The following SOX5 variants were observed in gnomAD, a reference collection of about 807,000 sequenced individuals.
SOX5 encodes the protein transcription factor SOX-5.
A neutral mutation model predicts 92.0 loss-of-function variants in SOX5; 9 were observed. The ratio of observed to expected loss-of-function variants is 0.10; its 90% CI spans 0.06 to 0.17. The LOEUF (loss-of-function observed/expected upper bound fraction) is 0.17. Among genes scored for constraint, SOX5 ranks in the 10% least tolerant of loss-of-function variants. The probability of loss-of-function intolerance (pLI) is 1.00; values close to 1 mark genes in which losing one functional copy is unlikely to be tolerated. For synonymous variants in SOX5, 344 were observed against 336.3 expected (o/e 1.02, Z -0.25); for missense variants, 642 against 944.5 (o/e 0.68, Z 4.20).
intron 4 of SOX5, among the ~76,000 whole-genome samples, chr12:24,165,231 T>C (rs1953257423): frequency 6.6e-6 from 1 of 152,132 alleles, no homozygotes; most frequent in Non-Finnish European, 1.5e-5. Flanking sequence ...AGTTTTTCAA[T>C]ATAACAAACA....
Position 23,792,679 on chromosome 12 carries a change from C to A in SOX5, c.482-36955G>T, listed in dbSNP as rs371435280. 1.4e-4 allele frequency among the ~76,000 whole-genome samples: 18 copies of A among 126,520 alleles called. 1 individual carries two copies. The Admixed American group carries it at 1.6e-3, about 11-fold the overall frequency. The allele number at this position is 126,520 out of a possible 152,430, so 83.0% of individuals were successfully genotyped here. A position where few individuals can be genotyped will look rare whatever the true frequency, so the allele number is the denominator to read the frequency against. The stretch of plus-strand genomic sequence containing the variant: ...AAAAAAAAACTTGGACAAAGCACTG[C>A]GATATGGAGCAGTTTCAGATGCTGC... On this transcript the variant is annotated intron_variant, in intron 3 of 14. Coordinates refer to ENST00000451604, the MANE Select transcript of SOX5 (RefSeq NM_006940.6).
At chr12:24,001,842 T>C (rs1951641587) in intron 4 of SOX5, among the ~76,000 whole-genome samples, 1 of 152,158 alleles carries the variant, frequency 6.6e-6, no homozygotes, top group African/African-American at 2.4e-5. Flanking sequence ...TGCACACCTG[T>C]AGTCACAGTT....
At chr12:24,139,465 C>T (rs528571988) in intron 4 of SOX5, among the ~76,000 whole-genome samples, 93 of 152,288 alleles carry the variant, frequency 6.1e-4, no homozygotes, top group Non-Finnish European at 1.2e-3. Context: ...TAGGCAACTG[C>T]ACTTGTCAGC....
chr12:24,481,292 T>C (rs1245433140), intron 1 of SOX5, among the ~76,000 whole-genome samples: 1 of 151,986 alleles, frequency 6.6e-6, no homozygotes, highest in African/African-American at 2.4e-5. Flanking sequence ...TGGAAGGATG[T>C]AGGGATGGTT....
At chr12:23,973,888 C>CT (rs1320204696) in intron 4 of SOX5, among the ~76,000 whole-genome samples, 1 of 152,186 alleles carries the variant, frequency 6.6e-6, no homozygotes, top group East Asian at 1.9e-4. Flanking sequence ...GAGAATCTAA[C>CT]TAATGCTTGA....
rs114229031 is a variant in SOX5, at chr12:23,965,488, C to T, written c.-1-69464G>A. ...CTCTAGCACTGGACAACTTCCTGCA[C>T]AAATTGTGGACAGACCATCTGTGCT... On this transcript the variant is annotated intron_variant, in intron 4 of 4. Coordinates refer to the SOX5 transcript ENST00000446891. 2.8e-3 allele frequency among the ~76,000 whole-genome samples: 420 copies of T among 152,292 alleles called. 3 individuals carry two copies. The highest frequency in any genetic ancestry group is 9.7e-3 in the African/African-American group (405 of 41,574).
intron 6 of SOX5, among the ~76,000 whole-genome samples, chr12:23,695,118 C>CAA (rs11464821): frequency 0.66 from 92,040 of 139,446 alleles, 31,676 homozygotes; most frequent in East Asian, 0.94. Flanking sequence ...AACCTTGTCT[C>CAA]AAAAAAAAAA....
At chr12:24,084,528 T>C (rs112018726) in intron 4 of SOX5, among the ~76,000 whole-genome samples, 25 of 152,222 alleles carry the variant, frequency 1.6e-4, no homozygotes, top group African/African-American at 5.5e-4. Context: ...AATGAAATCT[T>C]AGTTTAAAAA....
At chr12:24,312,915 G>A (rs867537289) in intron 2 of SOX5, among the ~76,000 whole-genome samples, 7 of 152,146 alleles carry the variant, frequency 4.6e-5, no homozygotes, top group South Asian at 4.2e-4. Context: ...TACTTCCAGC[G>A]GTTCTGCTTT....
chr12:24,263,246 G>A (rs549343514), intron 3 of SOX5, among the ~76,000 whole-genome samples: 10 of 151,768 alleles, frequency 6.6e-5, no homozygotes, highest in African/African-American at 2.4e-4. Context: ...GAAATTACTA[G>A]GCCGGGTGTG....
intron 8 of SOX5, among the ~76,000 whole-genome samples, chr12:23,623,665 A>G (rs546452217): frequency 9.2e-5 from 14 of 152,300 alleles, no homozygotes; most frequent in African/African-American, 3.1e-4. Context: ...ATTTCTACAA[A>G]AAAAGGTATA....
chr12:24,387,143 C>A (rs1242701143), intron 1 of SOX5, among the ~76,000 whole-genome samples: 4 of 152,198 alleles, frequency 2.6e-5, no homozygotes, highest in African/African-American at 9.7e-5. Flanking sequence ...CATCAAATAA[C>A]TTCTCAAACG....
At chr12:24,022,251 A>G (rs1443411318) in intron 4 of SOX5, among the ~76,000 whole-genome samples, 2 of 152,162 alleles carry the variant, frequency 1.3e-5, no homozygotes, top group East Asian at 3.9e-4. Context: ...TCAGATATAA[A>G]GTAAGAATAC....
chr12:24,093,518 G>A (rs1316276098), intron 4 of SOX5, among the ~76,000 whole-genome samples: 5 of 144,516 alleles, frequency 3.5e-5, no homozygotes, highest in African/African-American at 1.0e-4. Flanking sequence ...GCAAGACTCC[G>A]TCTCAAAAAA....
intron 1 of SOX5, among the ~76,000 whole-genome samples, chr12:23,935,475 A>G (rs1305608868): frequency 6.6e-6 from 1 of 151,268 alleles, no homozygotes; most frequent in Non-Finnish European, 1.5e-5. Flanking sequence ...CTGTAAAGAT[A>G]TTATTTCAAT....
chr12:23,875,581 G>A (rs1484358868), intron 2 of SOX5, among the ~76,000 whole-genome samples: 3 of 152,056 alleles, frequency 2.0e-5, no homozygotes, highest in African/African-American at 7.2e-5. Flanking sequence ...AAAAAAGGAG[G>A]AGGAAGAGAG....
At chr12:23,604,972 C>T (rs537396143) in intron 8 of SOX5, among the ~76,000 whole-genome samples, 62 of 151,854 alleles carry the variant, frequency 4.1e-4, no homozygotes, top group Admixed American at 2.4e-3. Context: ...AATGGGCACC[C>T]GAAACAATTT....
At chr12:23,969,082 C>A (rs1372628347) in intron 4 of SOX5, among the ~76,000 whole-genome samples, 1 of 152,192 alleles carries the variant, frequency 6.6e-6, no homozygotes, top group East Asian at 1.9e-4. Context: ...GAGTCAACAT[C>A]CACCTAATTG....
intron 4 of SOX5, among the ~76,000 whole-genome samples, chr12:24,161,201 C>A (rs1304464448): frequency 1.3e-5 from 2 of 152,144 alleles, no homozygotes; most frequent in Admixed American, 1.3e-4. Flanking sequence ...GGTCTTAAAT[C>A]TCCCACTTAT....
Sources: gnomAD v4.1 joint callset for allele counts (sites outside exome capture counted in the v4.1 genomes callset) on GRCh38, gnomAD v4.1.1 for gene constraint, MANE v1.5 for transcripts, NCBI Gene and HGNC (gene_info 2026-07-23, HGNC 2026-07-21) for gene names.